TLN2: variants seen among roughly 807,000 people sequenced by gnomAD.
TLN2 encodes the protein talin 2.
A neutral mutation model predicts 294.7 loss-of-function variants in TLN2; 118 were observed. The observed-to-expected ratio is 0.40, with a 90% CI of 0.34 to 0.47. The LOEUF is 0.47. Ranked by LOEUF, TLN2 falls within the 20% of genes least tolerant of loss-of-function variation. The pLI, the probability that TLN2 is intolerant of heterozygous loss-of-function variation, is 0.84. For missense variants in TLN2, 3,083 were observed against 3,282.2 expected (o/e 0.94, Z 1.48); for synonymous variants, 1,431 against 1,304.5 (o/e 1.10, Z -2.09).
At chr15:62,705,657 T>A (rs550570999) in intron 19 of TLN2, among the ~76,000 whole-genome samples, 1 of 152,354 alleles carries the variant, frequency 6.6e-6, no homozygotes, top group South Asian at 2.1e-4. Flanking sequence ...CTTTGGAAAG[T>A]TATTTTTAAA....
intron 9 of TLN2, among the ~76,000 whole-genome samples, chr15:62,659,883 T>C (rs189352715): frequency 6.6e-6 from 1 of 152,324 alleles, no homozygotes; most frequent in East Asian, 1.9e-4. Context: ...AGGATATAAG[T>C]CCCTTCTTAA....
Position 62,520,976 on chromosome 15 carries a change from A to G in TLN2, c.-237-68711A>G, listed in dbSNP as rs571497627. 3.3e-4 allele frequency among the ~76,000 whole-genome samples: 51 copies of G among 152,280 alleles called. 3 individuals are homozygous for G. In the South Asian group the frequency reaches 9.9e-3, roughly 30 times the overall value. ...TTAGACGTGCAAAAAGCTCCACATCATTGCCTGCTGTTGGCTTGGGTGGAA... is the reference window on the plus strand; with the variant it reads ...TTAGACGTGCAAAAAGCTCCACATCGTTGCCTGCTGTTGGCTTGGGTGGAA... On this transcript the variant is annotated intron_variant, in intron 1 of 58. Transcript: ENST00000636159.
chr15:62,689,722 T>A (rs537171402), intron 12 of TLN2, among the ~76,000 whole-genome samples: 1 of 151,976 alleles, frequency 6.6e-6, no homozygotes, highest in South Asian at 2.1e-4. Context: ...CTTACCTCCA[T>A]GGTTTCTAAT....
chr15:62,409,125 C>T (rs2033612685), intron 1 of TLN2, among the ~76,000 whole-genome samples: 2 of 151,808 alleles, frequency 1.3e-5, no homozygotes, highest in African/African-American at 4.8e-5. Context: ...CCACAGGTGG[C>T]ACCACCATGA....
At position 62,749,535 on chromosome 15, in the gene TLN2, G is replaced by A. The variant is rs1294361578; in HGVS notation, c.4120-867G>A. Among the ~76,000 whole-genome samples, 3 of 152,098 alleles carry A rather than the reference G, an allele frequency of 2.0e-5. No homozygotes were observed. In the East Asian group the frequency reaches 5.8e-4, roughly 29 times the overall value. ...AAGGAGTGGGAGGAGGTTCTTGAAT[G>A]AAATGAGCTCATTCCTTACACTGCC... is the stretch of plus-strand genomic sequence containing the variant. On this transcript the variant is annotated intron_variant, in intron 33 of 58. Transcript: ENST00000636159.
chr15:62,504,467 G>A (rs1245352353), intron 1 of TLN2, among the ~76,000 whole-genome samples: 2 of 152,194 alleles, frequency 1.3e-5, no homozygotes, highest in African/African-American at 4.8e-5. Flanking sequence ...AGGTATTCGT[G>A]TAAAAGCAGC....
intron 52 of TLN2, among the ~76,000 whole-genome samples, chr15:62,811,810 A>G (rs1245926567): frequency 6.6e-6 from 1 of 152,004 alleles, no homozygotes; most frequent in African/African-American, 2.4e-5. Flanking sequence ...TCAGCAGTTC[A>G]AGACTAGCCT....
intron 1 of TLN2, among the ~76,000 whole-genome samples, chr15:62,419,812 T>A (rs1381865042): frequency 6.6e-6 from 1 of 152,140 alleles, no homozygotes; most frequent in African/African-American, 2.4e-5. Context: ...AATTTTTGTA[T>A]TTTTAGTAGA....
chr15:62,732,585 T>C (rs1202589947), intron 28 of TLN2, among the ~76,000 whole-genome samples: 2 of 152,230 alleles, frequency 1.3e-5, no homozygotes, highest in Non-Finnish European at 2.9e-5. Flanking sequence ...ACAGTTCAGA[T>C]TGCTTTTTGT....
At chr15:62,747,567 T>C (rs1313663452) in intron 32 of TLN2, among the ~76,000 whole-genome samples, 1 of 152,238 alleles carries the variant, frequency 6.6e-6, no homozygotes, top group Non-Finnish European at 1.5e-5. Flanking sequence ...GGACTGCTGA[T>C]GAAGGGTCTT....
chr15:62,558,627 A>T (rs2042739150), intron 1 of TLN2, among the ~76,000 whole-genome samples: 1 of 152,250 alleles, frequency 6.6e-6, no homozygotes, highest in Admixed American at 6.5e-5. Flanking sequence ...GGGAATGAGT[A>T]GTTCTCAAAG....
At chr15:62,697,156 G>A (rs2058399254) in intron 14 of TLN2, among the ~76,000 whole-genome samples, 1 of 152,192 alleles carries the variant, frequency 6.6e-6, no homozygotes, top group Admixed American at 6.5e-5. Context: ...TGCCCAGGCT[G>A]GAGTACAGTG....
chr15:62,501,317 T>G (rs1046537522), intron 1 of TLN2, among the ~76,000 whole-genome samples: 1 of 152,140 alleles, frequency 6.6e-6, no homozygotes, highest in Admixed American at 6.5e-5. Flanking sequence ...GCCACATGTG[T>G]CTCTCTTTGC....
Position 62,647,453 on chromosome 15 carries a change from C to G in TLN2, c.136+7C>G, listed in dbSNP as rs1169502192. On this transcript the variant is annotated splice_region_variant and intron_variant, in intron 4 of 58. Transcript: ENST00000636159. ...GAGGCACAAACTGGGCAAGGTAGGT[C>G]ATGGGTTATTTACTGGCTTCTTAAA... is the stretch of plus-strand genomic sequence containing the variant. The G allele has an allele frequency of 6.2e-7, 1 of 1,613,402 alleles. No individual in the cohort carries two copies. Among genetic ancestry groups the G allele is most frequent in the South Asian group, 1.1e-5 (1 of 90,736 alleles).
At chr15:62,403,272 C>G (rs1425173092) in intron 1 of TLN2, among the ~76,000 whole-genome samples, 1 of 152,098 alleles carries the variant, frequency 6.6e-6, no homozygotes, top group African/African-American at 2.4e-5. Flanking sequence ...ACTCTTGACC[C>G]TGTGTCCTAG....
chr15:62,609,577 T>G (rs2047741106), intron 2 of TLN2, among the ~76,000 whole-genome samples: 1 of 152,220 alleles, frequency 6.6e-6, no homozygotes, highest in Non-Finnish European at 1.5e-5. Context: ...CAGTTGAGGT[T>G]TGTGTCTTTC....
intron 3 of TLN2, among the ~76,000 whole-genome samples, chr15:62,626,096 G>A (rs1399391058): frequency 6.6e-6 from 1 of 151,780 alleles, no homozygotes; most frequent in East Asian, 1.9e-4. Context: ...TAGGGATTAT[G>A]GCACACATAA....
intron 1 of TLN2, among the ~76,000 whole-genome samples, chr15:62,451,747 C>A (rs1033473820): frequency 7.9e-5 from 12 of 152,210 alleles, no homozygotes; most frequent in African/African-American, 2.9e-4. Flanking sequence ...CTGCTGTCCT[C>A]AAGTAGCTTT....
At position 62,414,164 on chromosome 15, in the gene TLN2, C is replaced by A. The variant is rs867120328; in HGVS notation, c.-238+23479C>A. Among the ~76,000 whole-genome samples, 187 of 90,566 alleles carry A rather than the reference C, an allele frequency of 2.1e-3. 15 individuals are homozygous for A. The highest frequency in any genetic ancestry group is 5.0e-3 in the African/African-American group (133 of 26,466). 59.4% of individuals were successfully genotyped at this position (90,566 alleles called of 152,430 possible). A position where few individuals can be genotyped will look rare whatever the true frequency, so the allele number is the denominator to read the frequency against. ...AGTGAAGTGTTAGCAAAAAAAAAAACTATATATATATATATATATATATAT... is the reference window on the plus strand; with the variant it reads ...AGTGAAGTGTTAGCAAAAAAAAAAAATATATATATATATATATATATATAT... On this transcript the variant is annotated intron_variant, in intron 1 of 58. Transcript: ENST00000636159.
Sources: gnomAD v4.1 joint callset for allele counts (sites outside exome capture counted in the v4.1 genomes callset) on GRCh38, gnomAD v4.1.1 for gene constraint, MANE v1.5 for transcripts, NCBI Gene and HGNC (gene_info 2026-07-23, HGNC 2026-07-21) for gene names.